The following NSUN6 variants were observed in gnomAD, a reference collection of about 807,000 sequenced individuals.
The protein encoded by NSUN6 is tRNA (cytosine(72)-C(5))-methyltransferase NSUN6.
NSUN6 carries 64 observed loss-of-function variants against 58.0 expected under a neutral mutation model. That is an observed-to-expected ratio of 1.10 (90% CI 0.90 to 1.36). The LOEUF (loss-of-function observed/expected upper bound fraction) is 1.36, where lower values mean the gene tolerates loss of function less well. Among genes scored for constraint, NSUN6 ranks in the 40% most tolerant of loss-of-function variants. NSUN6 has a pLI of 0.00. For missense variants in NSUN6, 701 were observed against 550.1 expected (o/e 1.27, Z -2.74); for synonymous variants, 231 against 193.9 (o/e 1.19, Z -1.59).
At chr10:18,658,569 C>A (rs1183922099), upstream of NSUN6, 7 of 505,072 alleles carry the variant, frequency 1.4e-5, no homozygotes, top group Non-Finnish European at 1.8e-5. Context: ...GATCTGGGAT[C>A]CACGAACATA....
At chr10:18,630,884 TCCTC>T (rs1213719453) in intron 3 of NSUN6, among the ~76,000 whole-genome samples, 1 of 151,824 alleles carries the variant, frequency 6.6e-6, no homozygotes, top group African/African-American at 2.4e-5. Flanking sequence ...AAAGAGGGAA[TCCTC>T]CCTAACTCAT....
Position 18,648,537 on chromosome 10 carries a change from C to T in NSUN6, c.184G>A (p.Ala62Thr). ...FTTVRVNTHL[A>T]SVQHVKNLLL... ...AGATTTTTCACATGTTGTACTGAGG[C>T]TAAATGTGTATTCACTCTGACAGTT... The change falls in exon 2 of 11, where the codon GCC becomes ACC. Residue 62 changes from alanine to threonine, a missense_variant. Coordinates refer to ENST00000377304, the MANE Select transcript of NSUN6 (RefSeq NM_182543.5). The T allele has an allele frequency of 1.2e-6, 2 of 1,609,692 alleles. No individual in the cohort carries two copies. Among genetic ancestry groups the T allele is most frequent in the Non-Finnish European group, 1.7e-6 (2 of 1,176,214 alleles).
intron 8 of NSUN6, among the ~76,000 whole-genome samples, chr10:18,561,671 T>C (rs2055521021): frequency 6.9e-6 from 1 of 144,848 alleles, no homozygotes; most frequent in Non-Finnish European, 1.5e-5. Flanking sequence ...GAATGGAGAA[T>C]GGAATGGAAT....
intron 3 of NSUN6, among the ~76,000 whole-genome samples, chr10:18,636,487 C>T (rs1415699321): frequency 6.6e-6 from 1 of 151,496 alleles, no homozygotes; most frequent in Non-Finnish European, 1.5e-5. Context: ...ACAGCAAGAC[C>T]CCATCTCAAA....
At chr10:18,595,756 AATG>A (rs1246375657) in intron 7 of NSUN6, among the ~76,000 whole-genome samples, 1 of 152,182 alleles carries the variant, frequency 6.6e-6, no homozygotes, top group Non-Finnish European at 1.5e-5. Flanking sequence ...CTTAGACCAA[AATG>A]ATAACTTCAA....
chr10:18,646,478 G>C (rs527712669), intron 2 of NSUN6, among the ~76,000 whole-genome samples: 2 of 152,144 alleles, frequency 1.3e-5, no homozygotes, highest in South Asian at 4.2e-4. Flanking sequence ...ACTGATCCTA[G>C]CCCATGGGAT....
At chr10:18,649,459 C>A (rs1485799280) in intron 1 of NSUN6, among the ~76,000 whole-genome samples, 2 of 152,018 alleles carry the variant, frequency 1.3e-5, no homozygotes, top group African/African-American at 2.4e-5. Flanking sequence ...AACCCCATCA[C>A]TACAAACAAT....
chr10:18,594,435 TTTTTTG>T (rs2057502797), intron 7 of NSUN6, among the ~76,000 whole-genome samples: 1 of 151,704 alleles, frequency 6.6e-6, no homozygotes, highest in South Asian at 2.1e-4. Context: ...CTTTCTGTTT[TTTTTTG>T]TTGTTGTTGT....
In NSUN6 at chr10:18,564,272, T is replaced by G. The variant is rs891020845; in HGVS notation, c.923-12301A>C. 1.3e-4 allele frequency among the ~76,000 whole-genome samples: 20 copies of G among 151,456 alleles called. No individual in the cohort carries two copies. In the Admixed American group the frequency reaches 1.3e-3, roughly 10 times the overall value. On this transcript the variant is annotated intron_variant, in intron 8 of 10. Transcript: ENST00000377304. ...CATTCCATTCCCATACATTCTCCAC[T>G]CCACTGCATTCTCTATTCCATTCTC...
In NSUN6 at chr10:18,580,318, C is replaced by T. The variant is rs974090102; in HGVS notation, c.922+5631G>A. Among the ~76,000 whole-genome samples, 7 of 152,238 alleles carry T rather than the reference C, an allele frequency of 4.6e-5. No homozygotes were observed. In the South Asian group the frequency reaches 6.2e-4, roughly 14 times the overall value. On this transcript the variant is annotated intron_variant, in intron 8 of 10. Transcript: ENST00000377304. ...CTTTTCCAACTACTTTCCACTTCTC[C>T]GAAGCTCAGAATAAGATCCACTTCA...
At chr10:18,611,696 G>A (rs1213744382) in intron 5 of NSUN6, among the ~76,000 whole-genome samples, 1 of 150,392 alleles carries the variant, frequency 6.6e-6, no homozygotes, top group Non-Finnish European at 1.5e-5. Context: ...TGCCAGGTAA[G>A]TGTGTGTGTG....
intron 3 of NSUN6, among the ~76,000 whole-genome samples, chr10:18,625,195 C>T (rs1228537988): frequency 6.6e-6 from 1 of 152,244 alleles, no homozygotes; most frequent in East Asian, 1.9e-4. Flanking sequence ...TAAACCATAG[C>T]CATTGGTGTG....
At chr10:18,594,103 G>A (rs117205226) in intron 7 of NSUN6, among the ~76,000 whole-genome samples, 19,164 of 151,516 alleles carry the variant, frequency 0.13, 1,570 homozygotes, top group Middle Eastern at 0.23. Context: ...GGGAGACTGA[G>A]GCATGAGAAT....
intron 7 of NSUN6, among the ~76,000 whole-genome samples, chr10:18,592,163 G>T (rs547767060): frequency 6.6e-6 from 1 of 152,162 alleles, no homozygotes; most frequent in African/African-American, 2.4e-5. Flanking sequence ...CAACTTACAA[G>T]GGACATGAAT....
At chr10:18,656,308 G>A (rs2059776862), upstream of NSUN6, among the ~76,000 whole-genome samples, 1 of 152,186 alleles carries the variant, frequency 6.6e-6, no homozygotes, top group African/African-American at 2.4e-5. Flanking sequence ...GGAGGCCAAG[G>A]CAGGTGGATC....
chr10:18,622,740 G>C (rs2058656957), intron 3 of NSUN6, among the ~76,000 whole-genome samples: 1 of 152,162 alleles, frequency 6.6e-6, no homozygotes, highest in African/African-American at 2.4e-5. Flanking sequence ...CGAGTAGGCT[G>C]AAAGAGAAGA....
At chr10:18,658,706 T>C, upstream of NSUN6, 1 of 964,702 alleles carries the variant, frequency 1.0e-6, no homozygotes, top group Non-Finnish European at 1.2e-6. Flanking sequence ...TTTTCAGAAC[T>C]AAGAATCACG....
intron 3 of NSUN6, among the ~76,000 whole-genome samples, chr10:18,625,002 T>C (rs974101236): frequency 5.9e-5 from 9 of 152,160 alleles, no homozygotes; most frequent in Admixed American, 3.3e-4. Flanking sequence ...ATAAAACCCT[T>C]GGGCACCAAG....
chr10:18,553,599 A>G (rs2054762923), intron 8 of NSUN6, among the ~76,000 whole-genome samples: 1 of 151,312 alleles, frequency 6.6e-6, no homozygotes, highest in Non-Finnish European at 1.5e-5. Flanking sequence ...TGAATGGAAT[A>G]GGGAATGGAA....
Sources: allele counts gnomAD v4.1 joint callset (sites outside exome capture counted in the v4.1 genomes callset), GRCh38; gene constraint gnomAD v4.1.1; transcripts MANE v1.5; gene names NCBI Gene and HGNC (gene_info 2026-07-23, HGNC 2026-07-21).